PRICKLE1: variants seen among roughly 807,000 people sequenced by gnomAD.
PRICKLE1 encodes prickle planar cell polarity protein 1, also known as prickle-like protein 1.
In PRICKLE1, 14 loss-of-function variants were observed where a neutral mutation model predicts 70.2. That is an observed-to-expected ratio of 0.20 (90% CI 0.13 to 0.31). The LOEUF (loss-of-function observed/expected upper bound fraction) is 0.31, where lower values mean the gene tolerates loss of function less well. PRICKLE1 is among the 10% of genes least tolerant of loss of function. The pLI is 1.00. For missense variants in PRICKLE1, 821 were observed against 1,026.2 expected (o/e 0.80, Z 2.73); for synonymous variants, 357 against 379.9 (o/e 0.94, Z 0.70).
At chr12:42,547,652 A>G (rs1192408031) in intron 1 of PRICKLE1, among the ~76,000 whole-genome samples, 1 of 152,308 alleles carries the variant, frequency 6.6e-6, no homozygotes, top group East Asian at 1.9e-4. Flanking sequence ...AAATAATATG[A>G]TCTATTATCA....
chr12:42,464,603 T>C lies in PRICKLE1; in HGVS notation c.1431A>G (p.Gln477=). Residue 477 remains glutamine, a synonymous_variant, in exon 7 of 8, where the codon CAA becomes CAG. Coordinates refer to ENST00000345127, the MANE Select transcript of PRICKLE1 (RefSeq NM_153026.3). This position sits in a 1 kb window ranked among gnomAD's most constrained non-coding sequence, Gnocchi z 4.2. Reference sequence around the variant, plus strand: ...CATAAGCAGAATCGCCCAGTCCATCTTGTGACTGTGCCCAGTACATATCAG... The same window carrying C: ...CATAAGCAGAATCGCCCAGTCCATCCTGTGACTGTGCCCAGTACATATCAG... ...YQSDMYWAQS[Q]DGLGDSAYGS... is the part of the protein sequence containing the mutation. The C allele has an allele frequency of 6.2e-7, 1 of 1,614,046 alleles. No homozygotes were observed. Among genetic ancestry groups the C allele is most frequent in the Non-Finnish European group, 8.5e-7 (1 of 1,180,004 alleles).
chr12:42,548,395 A>C (rs1393330464), intron 1 of PRICKLE1, among the ~76,000 whole-genome samples: 2 of 152,230 alleles, frequency 1.3e-5, no homozygotes, highest in South Asian at 2.1e-4. Context: ...ACATATTAAC[A>C]CATATATATT....
In PRICKLE1 at chr12:42,587,611, G is replaced by A. The variant is rs148713688; in HGVS notation, c.-49+1854C>T. ...TGTGTTTCCTGACTCGCCAGTTGAT[G>A]GCATTTAGAAACCCTCTGGTACCAG... On this transcript the variant is annotated intron_variant, in intron 1 of 7. Coordinates refer to ENST00000345127, the MANE Select transcript of PRICKLE1 (RefSeq NM_153026.3). 1.6e-3 allele frequency among the ~76,000 whole-genome samples: 240 copies of A among 152,348 alleles called. 1 individual carries two copies. The highest frequency in any genetic ancestry group is 0.016 in the South Asian group (76 of 4,830).
At chr12:42,463,657 T>C (rs957009736) in intron 7 of PRICKLE1, 1 of 151,936 alleles carries the variant, frequency 6.6e-6, no homozygotes, top group African/African-American at 2.4e-5. Context: ...GAGATGGAGG[T>C]TGCAGTGAGG....
intron 1 of PRICKLE1, among the ~76,000 whole-genome samples, chr12:42,504,730 G>A (rs188097225): frequency 1.2e-4 from 18 of 152,210 alleles, no homozygotes; most frequent in African/African-American, 3.4e-4. Flanking sequence ...GAAAACCCCC[G>A]GACATTTAGA....
chr12:42,490,714 A>T (rs923537008), intron 1 of PRICKLE1, among the ~76,000 whole-genome samples: 4 of 152,138 alleles, frequency 2.6e-5, no homozygotes, highest in Non-Finnish European at 5.9e-5. Context: ...AGGGACCCAG[A>T]CATTCCTAAA....
At chr12:42,462,661 G>A (rs536928593) in intron 7 of PRICKLE1, among the ~76,000 whole-genome samples, 61 of 152,202 alleles carry the variant, frequency 4.0e-4, no homozygotes, top group Middle Eastern at 3.4e-3. Flanking sequence ...TAGCTTTGCC[G>A]TACCCTTCCT....
At chr12:42,489,743 C>T (rs997594787) in intron 1 of PRICKLE1, 2 of 151,176 alleles carry the variant, frequency 1.3e-5, no homozygotes, top group Non-Finnish European at 2.9e-5. Flanking sequence ...ACTTCCTCTC[C>T]ATGCTTTCTT....
chr12:42,494,996 G>A (rs1939169913), intron 1 of PRICKLE1, among the ~76,000 whole-genome samples: 1 of 150,662 alleles, frequency 6.6e-6, no homozygotes, highest in African/African-American at 2.4e-5. Flanking sequence ...CTGGGCTCAA[G>A]CAATCCTCCT....
At chr12:42,571,442 C>T (rs1940711076) in intron 1 of PRICKLE1, among the ~76,000 whole-genome samples, 1 of 152,140 alleles carries the variant, frequency 6.6e-6, no homozygotes, top group Non-Finnish European at 1.5e-5. Flanking sequence ...TGACACCATC[C>T]AGCACAAACC....
rs754507423 is a variant in PRICKLE1, at chr12:42,464,878, T to A, written c.1156A>T (p.Ser386Cys). Reference sequence around the variant, plus strand: ...TTCCAAAATTCTTCACTGGCAAAACTTGTTCCTTGTCTGGAGAGACTCAGA... The same window carrying A: ...TTCCAAAATTCTTCACTGGCAAAACATGTTCCTTGTCTGGAGAGACTCAGA... ...DDLSLSRQGT[S>C]FASEEFWKGR... Residue 386 changes from serine to cysteine, a missense_variant, in exon 7 of 8, where the codon AGT (serine) becomes TGT (cysteine). By Grantham distance (112) the Ser-to-Cys change is moderately radical. Transcript: ENST00000345127. This position sits in a 1 kb window ranked among gnomAD's most constrained non-coding sequence, Gnocchi z 4.2. The A allele has an allele frequency of 1.2e-6, 2 of 1,614,148 alleles. No individual in the cohort carries two copies. Among genetic ancestry groups the A allele is most frequent in the South Asian group, 2.2e-5 (2 of 91,084 alleles).
At chr12:42,490,403 C>T (rs1939077925) in intron 1 of PRICKLE1, among the ~76,000 whole-genome samples, 1 of 152,074 alleles carries the variant, frequency 6.6e-6, no homozygotes, top group Non-Finnish European at 1.5e-5. Context: ...GCAGCCAGGC[C>T]CAGGCTGTGA....
Position 42,545,545 on chromosome 12 carries a change from T to C in PRICKLE1, c.-49+43920A>G, listed in dbSNP as rs117675842. On this transcript the variant is annotated intron_variant, in intron 1 of 7. Transcript: ENST00000345127. ...GTATGTTCTTGGAAAACATTAAAAC[T>C]GAACACACTAAAATATTTTGGGACT... Among the ~76,000 whole-genome samples, 15 of 152,350 alleles carry C rather than the reference T, an allele frequency of 9.8e-5. No homozygotes were observed. The East Asian group carries it at 2.9e-3, about 29-fold the overall frequency.
In PRICKLE1 at chr12:42,464,446, C is replaced by G; in HGVS notation, c.1588G>C (p.Glu530Gln). 1.2e-6 allele frequency: 2 copies of G among 1,614,070 alleles called. No individual in the cohort carries two copies. The highest frequency in any genetic ancestry group is 1.1e-5 in the South Asian group (1 of 91,084). The change falls in exon 7 of 8, where the codon GAG becomes CAG. Residue 530 changes from glutamate (E) to glutamine (Q), a missense_variant. Glu to Gln is a conservative substitution (Grantham distance 29, BLOSUM62 2). Transcript: ENST00000345127. The surrounding 1 kb of genome is among the most constrained non-coding windows in gnomAD (Gnocchi z 4.2). ...TCCATCGAATCCCGAACACTTTGCT[C>G]TGGTTTCAGGTCTGACAGACACTCC... ...SLECLSDLKPEQSVRDSMDSL... is the reference protein window; with the variant it reads ...SLECLSDLKPQQSVRDSMDSL...
intron 1 of PRICKLE1, among the ~76,000 whole-genome samples, chr12:42,527,866 G>T (rs188198524): frequency 7.0e-6 from 1 of 143,214 alleles, no homozygotes; most frequent in African/African-American, 2.6e-5. Context: ...GTAATGATAA[G>T]TAATCTATTA....
chr12:42,512,677 G>T (rs1939535969), intron 1 of PRICKLE1, among the ~76,000 whole-genome samples: 1 of 151,344 alleles, frequency 6.6e-6, no homozygotes, highest in Admixed American at 6.6e-5. Context: ...TTTTTGTGGG[G>T]GATGGAGTCT....
intron 1 of PRICKLE1, among the ~76,000 whole-genome samples, chr12:42,533,339 T>C (rs1939957346): frequency 6.6e-6 from 1 of 152,134 alleles, no homozygotes; most frequent in African/African-American, 2.4e-5. Context: ...ACTTAAACAT[T>C]CAACTCCAAG....
intron 1 of PRICKLE1, among the ~76,000 whole-genome samples, chr12:42,473,314 A>G (rs1305270285): frequency 1.3e-5 from 2 of 152,258 alleles, no homozygotes; most frequent in Non-Finnish European, 2.9e-5. Flanking sequence ...TTGCATCATA[A>G]GCAGGCATTC....
chr12:42,529,647 C>G (rs1339730087), intron 1 of PRICKLE1, among the ~76,000 whole-genome samples: 1 of 152,138 alleles, frequency 6.6e-6, no homozygotes, highest in Non-Finnish European at 1.5e-5. Context: ...GTAATCCCAG[C>G]ACTTTGGGAG....
Sources: gnomAD v4.1 joint callset for allele counts (sites outside exome capture counted in the v4.1 genomes callset) on GRCh38, gnomAD v4.1.1 for gene constraint, Gnocchi (gnomAD v3.1) non-coding constraint, MANE v1.5 for transcripts, NCBI Gene and HGNC (gene_info 2026-07-23, HGNC 2026-07-21) for gene names.